UVRAG: variants seen among roughly 807,000 people sequenced by gnomAD.
UVRAG encodes the protein UV radiation resistance associated.
UVRAG carries 19 observed loss-of-function variants against 78.0 expected under a neutral mutation model. The observed-to-expected ratio is 0.24, with a 90% confidence interval of 0.17 to 0.36. The LOEUF is 0.36. UVRAG is among the 10% of genes least tolerant of loss of function. The pLI is 1.00. For missense variants in UVRAG, 740 were observed against 853.8 expected, an observed-to-expected ratio of 0.87 and a Z score of 1.66; for synonymous variants, 323 against 324.6, an observed-to-expected ratio of 1.00 and a Z score of 0.05.
chr11:76,101,257 C>T (rs1042536120), intron 13 of UVRAG, among the ~76,000 whole-genome samples: 1 of 152,026 alleles, frequency 6.6e-6, no homozygotes, highest in Non-Finnish European at 1.5e-5. Flanking sequence ...TTGCCAGCAT[C>T]TATTTTTTTT....
chr11:75,832,849 C>T (rs775540962), intron 1 of UVRAG, among the ~76,000 whole-genome samples: 3 of 152,178 alleles, frequency 2.0e-5, no homozygotes, highest in Non-Finnish European at 2.9e-5. Context: ...CTTAGAAACT[C>T]TTGTGTCAGG....
chr11:75,869,347 C>A (rs1590953453), intron 3 of UVRAG, among the ~76,000 whole-genome samples: 1 of 152,134 alleles, frequency 6.6e-6, no homozygotes, highest in Non-Finnish European at 1.5e-5. Flanking sequence ...GTTTTTAAAT[C>A]TTTGGGAAAA....
intron 13 of UVRAG, among the ~76,000 whole-genome samples, chr11:76,071,691 G>A (rs1326335569): frequency 6.6e-6 from 1 of 152,164 alleles, no homozygotes; most frequent in Non-Finnish European, 1.5e-5. Flanking sequence ...CAGATTAGGG[G>A]CAATGGTGGT....
At chr11:76,081,717 A>G (rs1951497667) in intron 13 of UVRAG, among the ~76,000 whole-genome samples, 1 of 152,208 alleles carries the variant, frequency 6.6e-6, no homozygotes. Context: ...ATTTAAAAAA[A>G]TAATTTGACA....
Position 76,008,792 on chromosome 11 carries a change from T to A in UVRAG, c.1000-15T>A. 7.1e-7 allele frequency: 1 copy of A among 1,400,730 alleles called. No individual in the cohort carries two copies. Among genetic ancestry groups the A allele is most frequent in the South Asian group, 1.4e-5 (1 of 71,212 alleles). The allele number at this position is 1,400,730 out of a possible 1,614,324, so 86.8% of individuals were successfully genotyped here. A position where few individuals can be genotyped will look rare whatever the true frequency, so the allele number is the denominator to read the frequency against. ...TGCTTTATTTATTAATTTTATTCTT[T>A]AATTAAATTCACAGAATGAACATAA... On this transcript the variant is annotated splice_polypyrimidine_tract_variant and intron_variant, in intron 10 of 14. Coordinates refer to ENST00000356136, the MANE Select transcript of UVRAG (RefSeq NM_003369.4).
intron 6 of UVRAG, among the ~76,000 whole-genome samples, chr11:75,947,342 C>T (rs986380158): frequency 6.6e-6 from 1 of 152,048 alleles, no homozygotes; most frequent in African/African-American, 2.4e-5. Flanking sequence ...TTTATAAGTC[C>T]TGCTAATAAC....
At chr11:76,073,209 A>G in intron 13 of UVRAG, among the ~76,000 whole-genome samples, 1 of 152,216 alleles carries the variant, frequency 6.6e-6, no homozygotes, top group East Asian at 1.9e-4. Context: ...GAAAGAGAAT[A>G]TGCATAAATC....
At position 75,951,743 on chromosome 11, in the gene UVRAG, T is replaced by C. The variant is rs189956212; in HGVS notation, c.594-9701T>C. Reference sequence around the variant, plus strand: ...GTGTAACTACTGCTGCCTTACTTACTGTAGCTTTATGATAGGTCATAAAAT... The same window carrying C: ...GTGTAACTACTGCTGCCTTACTTACCGTAGCTTTATGATAGGTCATAAAAT... On this transcript the variant is annotated intron_variant, in intron 6 of 14. Coordinates refer to ENST00000356136, the MANE Select transcript of UVRAG (RefSeq NM_003369.4). Among the ~76,000 whole-genome samples, 10 of 152,336 alleles carry C rather than the reference T, an allele frequency of 6.6e-5. No homozygotes were observed. In the East Asian group the frequency reaches 1.9e-3, roughly 29 times the overall value.
At chr11:76,126,097 A>T (rs550362740) in intron 14 of UVRAG, among the ~76,000 whole-genome samples, 9 of 150,158 alleles carry the variant, frequency 6.0e-5, no homozygotes, top group Non-Finnish European at 5.9e-5. Flanking sequence ...CCACAGGCGC[A>T]TGCCACCTCA....
chr11:76,019,868 A>G (rs1950210994), intron 12 of UVRAG, among the ~76,000 whole-genome samples: 1 of 152,112 alleles, frequency 6.6e-6, no homozygotes, highest in Non-Finnish European at 1.5e-5. Flanking sequence ...CTGTGGCTCT[A>G]CAATTAGCAG....
At chr11:75,999,444 G>GC (rs1949768666) in intron 8 of UVRAG, among the ~76,000 whole-genome samples, 1 of 151,808 alleles carries the variant, frequency 6.6e-6, no homozygotes, top group Non-Finnish European at 1.5e-5. Context: ...GTGCAGTGGT[G>GC]CAATCTCGGC....
chr11:75,857,788 T>G (rs1486131970), intron 2 of UVRAG, among the ~76,000 whole-genome samples: 1 of 143,134 alleles, frequency 7.0e-6, no homozygotes, highest in Non-Finnish European at 1.5e-5. Flanking sequence ...GTACTCAGCC[T>G]TTTTTTTTTT....
At chr11:75,818,481 A>AT (rs113579187) in intron 1 of UVRAG, among the ~76,000 whole-genome samples, 5,848 of 143,018 alleles carry the variant, frequency 0.041, 341 homozygotes, top group African/African-American at 0.13. Context: ...CAAGGTATCA[A>AT]TTTTTTTTTT....
chr11:76,142,942 C>T lies in UVRAG; in HGVS notation c.*1529C>T, dbSNP rs558970345. 7 of 152,330 alleles carry T rather than the reference C, an allele frequency of 4.6e-5. No individual in the cohort carries two copies. The highest frequency in any genetic ancestry group is 1.4e-4 in the African/African-American group (6 of 41,538). 9.4% of individuals were successfully genotyped at this position (152,330 alleles called of 1,614,324 possible). On this transcript the variant is annotated 3_prime_UTR_variant, in exon 15 of 15. Coordinates refer to ENST00000356136, the MANE Select transcript of UVRAG (RefSeq NM_003369.4). ...AATGTATAGCTACATTGTTGTTTTC[C>T]ATGTAGAGAACTCACAGGATGACTA...
chr11:75,848,043 A>AG (rs1168417337), intron 1 of UVRAG, among the ~76,000 whole-genome samples: 2 of 151,386 alleles, frequency 1.3e-5, no homozygotes, highest in Non-Finnish European at 2.9e-5. Flanking sequence ...AAAAAAAAAA[A>AG]AAAATTTAGC....
chr11:75,888,971 G>T, intron 5 of UVRAG, 68 bp downstream of exon 5: 1 of 1,290,136 alleles, frequency 7.8e-7, no homozygotes, highest in Non-Finnish European at 1.1e-6. Flanking sequence ...GTACAGGGTA[G>T]ATATAATCCT....
At chr11:75,888,935 G>T in intron 5 of UVRAG, 32 bp downstream of exon 5, 1 of 1,588,750 alleles carries the variant, frequency 6.3e-7, no homozygotes, top group African/African-American at 1.3e-5. Flanking sequence ...TATGAATTTT[G>T]TTTAGTGCAG....
Position 75,961,381 on chromosome 11 carries a change from C to A in UVRAG, c.594-63C>A, listed in dbSNP as rs1041779775. Reference sequence around the variant, plus strand: ...TATCCTCCAGGTTTGTCATTTATATCTGAGGCTCTTTGTTGAGTTTACTGT... The same window carrying A: ...TATCCTCCAGGTTTGTCATTTATATATGAGGCTCTTTGTTGAGTTTACTGT... On this transcript the variant is annotated intron_variant, in intron 6 of 14. Transcript: ENST00000356136. 8.4e-5 allele frequency: 110 copies of A among 1,313,446 alleles called. No individual in the cohort carries two copies. The East Asian group carries it at 1.3e-3, about 15-fold the overall frequency. The allele number at this position is 1,313,446 out of a possible 1,614,324, so 81.4% of individuals were successfully genotyped here. A position where few individuals can be genotyped will look rare whatever the true frequency, so the allele number is the denominator to read the frequency against.
intron 13 of UVRAG, among the ~76,000 whole-genome samples, chr11:76,109,149 T>C (rs1229193140): frequency 1.3e-5 from 2 of 152,182 alleles, no homozygotes; most frequent in African/African-American, 4.8e-5. Flanking sequence ...GGCATCTGCC[T>C]TCCCCAATCA....
Sources: gnomAD v4.1 joint callset for allele counts (sites outside exome capture counted in the v4.1 genomes callset) on GRCh38, gnomAD v4.1.1 for gene constraint, MANE v1.5 for transcripts, NCBI Gene and HGNC (gene_info 2026-07-23, HGNC 2026-07-21) for gene names.